The following ATAD2 variants were observed in gnomAD, a reference collection of about 807,000 sequenced individuals.
The protein encoded by ATAD2 is ATPase family AAA domain containing 2.
ATAD2 carries 62 observed loss-of-function variants against 168.9 expected under a neutral mutation model. The ratio of observed to expected loss-of-function variants is 0.37; its 90% CI spans 0.30 to 0.45. The LOEUF (loss-of-function observed/expected upper bound fraction) is 0.45, where lower values mean the gene tolerates loss of function less well. Among genes scored for constraint, ATAD2 ranks in the 20% least tolerant of loss-of-function variants. ATAD2 has a pLI of 1.00. For missense variants in ATAD2, 1,419 were observed against 1,667.8 expected, an observed-to-expected ratio of 0.85 and a Z score of 2.60; for synonymous variants, 613 against 571.6, an observed-to-expected ratio of 1.07 and a Z score of -1.03.
At chr8:123,413,910 G>T (rs1046918371) in intron 1 of ATAD2, among the ~76,000 whole-genome samples, 23 of 151,784 alleles carry the variant, frequency 1.5e-4, no homozygotes, top group Non-Finnish European at 2.9e-4. Flanking sequence ...GCGGCGGGGA[G>T]GGTGGCCGAG....
intron 1 of ATAD2, among the ~76,000 whole-genome samples, chr8:123,414,946 T>C (rs1000396914): frequency 6.6e-6 from 1 of 152,232 alleles, no homozygotes; most frequent in Non-Finnish European, 1.5e-5. Context: ...CTTTGTTGCC[T>C]GTGTACCTTG....
chr8:123,401,192 A>G (rs1812991616), upstream of ATAD2: 1 of 940,638 alleles, frequency 1.1e-6, no homozygotes, highest in Middle Eastern at 3.0e-4. Context: ...CAAAGCAAGA[A>G]AGTGAAGCTG....
At chr8:123,367,014 T>TTTAAACACA (rs1828999201) in intron 8 of ATAD2, among the ~76,000 whole-genome samples, 1 of 151,926 alleles carries the variant, frequency 6.6e-6, no homozygotes, top group South Asian at 2.1e-4. Flanking sequence ...ATAAAAAACA[T>TTTAAACACA]TTAAACACAC....
At chr8:123,404,702 G>T (rs1813046996) in intron 1 of ATAD2, among the ~76,000 whole-genome samples, 1 of 152,040 alleles carries the variant, frequency 6.6e-6, no homozygotes, top group African/African-American at 2.4e-5. Context: ...GAGTAGCTGG[G>T]ATTACAGGCG....
chr8:123,373,226 G>C (rs955507556), intron 2 of ATAD2, among the ~76,000 whole-genome samples: 6 of 141,618 alleles, frequency 4.2e-5, no homozygotes, highest in African/African-American at 1.2e-4. Context: ...GAGATGGGGC[G>C]GGGGGGGTCT....
At chr8:123,395,173 CCTCA>C (rs1812767767) in intron 1 of ATAD2, among the ~76,000 whole-genome samples, 1 of 152,166 alleles carries the variant, frequency 6.6e-6, no homozygotes, top group African/African-American at 2.4e-5. Context: ...CCATGCCTAC[CCTCA>C]CTCACTCCAA....
chr8:123,339,238 T>G, intron 20 of ATAD2, 73 bp downstream of exon 20: 1 of 1,283,198 alleles, frequency 7.8e-7, no homozygotes, highest in Non-Finnish European at 1.1e-6. Flanking sequence ...ATCAGATACA[T>G]GTCAATGCCA....
At chr8:123,322,685 TAAAC>T (rs967044927) in intron 27 of ATAD2, among the ~76,000 whole-genome samples, 7 of 150,634 alleles carry the variant, frequency 4.6e-5, no homozygotes, top group Admixed American at 2.6e-4. Context: ...AATAAATAAA[TAAAC>T]AAACAAACTA....
In ATAD2 at chr8:123,339,414, C is replaced by G. The variant is rs1200940467; in HGVS notation, c.2751G>C (p.Glu917Asp). ...TATCCGGTAACTGGACATTAAAAAT[C>G]TCTCCATAATCACGGATAAACAATT... ...VQELFIRDYG[E>D]IFNVQLPDKE... The change falls in exon 20 of 28, where the codon GAG becomes GAC. Residue 917 changes from glutamate to aspartate, a missense_variant. Around this residue, in one of 5 missense-constraint regions of ATAD2, gnomAD observed 545 missense variants for 724.9 expected, o/e 0.75. Coordinates refer to ENST00000287394, the MANE Select transcript of ATAD2 (RefSeq NM_014109.4). 1 of 1,597,868 alleles carries G rather than the reference C, an allele frequency of 6.3e-7. No homozygotes were observed.
intron 26 of ATAD2, among the ~76,000 whole-genome samples, chr8:123,323,699 C>T (rs186994816): frequency 3.9e-5 from 6 of 152,092 alleles, no homozygotes; most frequent in Admixed American, 6.5e-5. Context: ...TGTATGGGAC[C>T]AATAATTTAG....
At chr8:123,411,486 G>C (rs915738328) in intron 1 of ATAD2, among the ~76,000 whole-genome samples, 2 of 152,278 alleles carry the variant, frequency 1.3e-5, no homozygotes, top group African/African-American at 2.4e-5. Flanking sequence ...CTAAGAATCC[G>C]TAAGCCTAGC....
Position 123,396,403 on chromosome 8 carries a change from A to G in ATAD2, c.-46T>C, listed in dbSNP as rs746487189. 3.4e-6 allele frequency: 5 copies of G among 1,490,942 alleles called. No individual in the cohort carries two copies. In the East Asian group the frequency reaches 7.4e-5, roughly 22 times the overall value. 92.4% of individuals were successfully genotyped at this position (1,490,942 alleles called of 1,614,324 possible). A position where few individuals can be genotyped will look rare whatever the true frequency, so the allele number is the denominator to read the frequency against. On this transcript the variant is annotated 5_prime_UTR_variant, in exon 1 of 28. Transcript: ENST00000287394. ...GGCGTGCGCGACCGGAGAGAGATCC[A>G]GCTCCAGGCGCTCGCAGCTCTGGCT...
chr8:123,351,984 G>A (rs541138992), intron 13 of ATAD2, among the ~76,000 whole-genome samples: 4 of 152,214 alleles, frequency 2.6e-5, no homozygotes, highest in African/African-American at 9.6e-5. Flanking sequence ...TCCTGACCTC[G>A]TGATCCACCC....
At chr8:123,365,338 G>T (rs1481399817) in intron 8 of ATAD2, among the ~76,000 whole-genome samples, 1 of 152,026 alleles carries the variant, frequency 6.6e-6, no homozygotes, top group Non-Finnish European at 1.5e-5. Flanking sequence ...GAAAATTGTG[G>T]AAACGACCAT....
intron 15 of ATAD2, among the ~76,000 whole-genome samples, chr8:123,347,821 T>C (rs1828301688): frequency 6.6e-6 from 1 of 152,142 alleles, no homozygotes; most frequent in African/African-American, 2.4e-5. Context: ...AAATAATATA[T>C]GTAAAATGCT....
At chr8:123,395,022 A>G (rs1407446293) in intron 1 of ATAD2, among the ~76,000 whole-genome samples, 4 of 152,222 alleles carry the variant, frequency 2.6e-5, no homozygotes, top group African/African-American at 7.2e-5. Flanking sequence ...CAAGATCTTA[A>G]TAGAAGACTT....
intron 3 of ATAD2, among the ~76,000 whole-genome samples, chr8:123,372,055 T>C (rs1251829375): frequency 2.6e-5 from 4 of 152,144 alleles, no homozygotes; most frequent in African/African-American, 7.2e-5. Context: ...AGGAAAGATA[T>C]GTAATACAAA....
Position 123,411,139 on chromosome 8 carries a change from G to T in ATAD2, c.-2282+5109C>A, listed in dbSNP as rs552152916. 3.9e-5 allele frequency among the ~76,000 whole-genome samples: 6 copies of T among 152,130 alleles called. No individual in the cohort carries two copies. The South Asian group carries it at 1.2e-3, about 32-fold the overall frequency. ...GGAAACTTTGTGAACAAGGACCCCTGGTAACATTTTGGAGACCCTGAAGGG... is the reference window on the plus strand; with the variant it reads ...GGAAACTTTGTGAACAAGGACCCCTTGTAACATTTTGGAGACCCTGAAGGG... On this transcript the variant is annotated intron_variant, in intron 1 of 28. Coordinates refer to the ATAD2 transcript ENST00000521903.
intron 26 of ATAD2, among the ~76,000 whole-genome samples, chr8:123,325,376 G>C (rs911532460): frequency 6.6e-6 from 1 of 151,774 alleles, no homozygotes; most frequent in African/African-American, 2.4e-5. Context: ...TCCACCTCCT[G>C]GGTTCACGCC....
Sources: gnomAD v4.1 joint callset for allele counts (sites outside exome capture counted in the v4.1 genomes callset) on GRCh38, gnomAD v4.1.1 for gene constraint, gnomAD v4.1.1 regional missense constraint, MANE v1.5 for transcripts, NCBI Gene and HGNC (gene_info 2026-07-23, HGNC 2026-07-21) for gene names.